Variants in KIF6 observed in about 807,000 individuals in gnomAD.
KIF6 encodes the protein kinesin-like protein KIF6.
KIF6 carries 106 observed loss-of-function variants against 112.7 expected under a neutral mutation model. The observed-to-expected ratio is 0.94, with a 90% CI of 0.80 to 1.11. The LOEUF (loss-of-function observed/expected upper bound fraction) is 1.11. Among genes scored for constraint, KIF6 ranks in the 50% least tolerant of loss-of-function variants. KIF6 has a pLI of 0.00. For missense variants in KIF6, 929 were observed against 964.0 expected (o/e 0.96, Z 0.48); for synonymous variants, 339 against 339.9 (o/e 1.00, Z 0.03).
chr6:39,654,636 C>T (rs945209639), intron 3 of KIF6, among the ~76,000 whole-genome samples: 11 of 152,100 alleles, frequency 7.2e-5, no homozygotes, highest in African/African-American at 2.7e-4. Context: ...TTAAAGTCTC[C>T]TTTGAATATA....
intron 13 of KIF6, among the ~76,000 whole-genome samples, chr6:39,432,114 T>A (rs919531586): frequency 6.6e-6 from 1 of 152,222 alleles, no homozygotes; most frequent in South Asian, 2.1e-4. Context: ...ACCTATAATA[T>A]GCACAGCCCA....
rs1581888220 is a variant in KIF6, at chr6:39,452,338, A to G, written c.1646-21177T>C. Among the ~76,000 whole-genome samples the G allele has an allele frequency of 3.9e-5, 6 of 152,354 alleles. No homozygotes were observed. The South Asian group carries it at 1.2e-3, about 32-fold the overall frequency. On this transcript the variant is annotated intron_variant, in intron 13 of 22. Coordinates refer to ENST00000287152, the MANE Select transcript of KIF6 (RefSeq NM_145027.6). ...TGTGGTGAAAAATGTTCACTGGCGG[A>G]TGCTCCAGGACCTAGTTAACTTTAG...
intron 3 of KIF6, among the ~76,000 whole-genome samples, chr6:39,703,210 C>CA (rs74439728): frequency 0.064 from 9,727 of 151,884 alleles, 667 homozygotes; most frequent in East Asian, 0.39. Context: ...GAACAAAGCC[C>CA]ACTGATTCAG....
At chr6:39,681,021 C>A (rs1195599120) in intron 3 of KIF6, among the ~76,000 whole-genome samples, 1 of 152,028 alleles carries the variant, frequency 6.6e-6, no homozygotes, top group Non-Finnish European at 1.5e-5. Context: ...ATGTGTCTGT[C>A]TGAGAAAGCC....
chr6:39,720,606 G>A, intron 2 of KIF6, 96 bp downstream of exon 2: 1 of 698,160 alleles, frequency 1.4e-6, no homozygotes, highest in East Asian at 2.6e-5. Flanking sequence ...TTTTCCACAA[G>A]AAATGGTGCT....
chr6:39,563,718 C>T (rs1780136862), intron 10 of KIF6, among the ~76,000 whole-genome samples: 1 of 152,100 alleles, frequency 6.6e-6, no homozygotes, highest in African/African-American at 2.4e-5. Context: ...CAGGGCTGCC[C>T]AGCAAGTGGT....
chr6:39,393,655 G>A (rs1366302558), intron 15 of KIF6, among the ~76,000 whole-genome samples: 1 of 152,092 alleles, frequency 6.6e-6, no homozygotes, highest in Non-Finnish European at 1.5e-5. Context: ...AACATTTTAG[G>A]CAATAATAAC....
At chr6:39,642,401 A>G (rs548883196) in intron 3 of KIF6, among the ~76,000 whole-genome samples, 1 of 152,250 alleles carries the variant, frequency 6.6e-6, no homozygotes, top group South Asian at 2.1e-4. Flanking sequence ...CAAAAACAAC[A>G]GCCTTGAAAC....
chr6:39,619,585 G>A (rs545234136), intron 5 of KIF6, among the ~76,000 whole-genome samples: 4 of 152,280 alleles, frequency 2.6e-5, no homozygotes, highest in African/African-American at 4.8e-5. Context: ...TACTGTGCTC[G>A]TATGCTTCAA....
intron 3 of KIF6, among the ~76,000 whole-genome samples, chr6:39,671,582 C>G (rs1402929903): frequency 1.3e-5 from 2 of 152,162 alleles, no homozygotes; most frequent in African/African-American, 4.8e-5. Flanking sequence ...AGCTCATTCT[C>G]CAGGCACTCC....
At chr6:39,362,404 C>G (rs45460596) in intron 17 of KIF6, 30 bp downstream of exon 17, 2 of 1,566,338 alleles carry the variant, frequency 1.3e-6, no homozygotes, top group South Asian at 1.1e-5. Context: ...AGGCTGGGCT[C>G]GGACTGTGTG....
intron 3 of KIF6, among the ~76,000 whole-genome samples, chr6:39,675,783 A>C (rs952867692): frequency 1.3e-5 from 2 of 152,088 alleles, no homozygotes; most frequent in African/African-American, 4.8e-5. Flanking sequence ...GATAGGAAAA[A>C]AAAATGACCA....
At position 39,433,554 on chromosome 6, in the gene KIF6, G is replaced by T. The variant is rs141107796; in HGVS notation, c.1646-2393C>A. Among the ~76,000 whole-genome samples, 26 of 152,294 alleles carry T rather than the reference G, an allele frequency of 1.7e-4. 1 individual carries two copies. In the East Asian group the frequency reaches 5.0e-3, roughly 29 times the overall value. On this transcript the variant is annotated intron_variant, in intron 13 of 22. Coordinates refer to ENST00000287152, the MANE Select transcript of KIF6 (RefSeq NM_145027.6). ...GGCTTATCATCAGGAACATAACCTTGGTTTTCCTTCTGTCACGGACAAAGT... is the reference window on the plus strand; with the variant it reads ...GGCTTATCATCAGGAACATAACCTTTGTTTTCCTTCTGTCACGGACAAAGT...
rs1387975725 is a variant in KIF6 at position 39,665,716 on chromosome 6, T to G, written c.252-25959A>C. Among the ~76,000 whole-genome samples, 4 of 149,620 alleles carry G rather than the reference T, an allele frequency of 2.7e-5. No individual in the cohort carries two copies. In the East Asian group the frequency reaches 7.8e-4, roughly 29 times the overall value. On this transcript the variant is annotated intron_variant, in intron 3 of 22. Coordinates refer to ENST00000287152, the MANE Select transcript of KIF6 (RefSeq NM_145027.6). ...AGTCTTACATCGCAGTGAAGAGCTG[T>G]TTTTTTTTTCTTTTAGGACATAACT...
Position 39,639,843 on chromosome 6 carries a change from T to TTA in KIF6, c.252-88_252-87dup, listed in dbSNP as rs1489783117. The TTA allele has an allele frequency of 3.1e-5, 35 of 1,136,438 alleles. No homozygotes were observed. In the East Asian group the frequency reaches 9.0e-4, roughly 29 times the overall value. 70.4% of individuals were successfully genotyped at this position (1,136,438 alleles called of 1,614,324 possible). Reference sequence around the variant, plus strand: ...GGCTTGTATTCTAATAACAATCTTATTAAACACTATTAAAAAAACTTTATA... The same window carrying TTA: ...GGCTTGTATTCTAATAACAATCTTATTATAAACACTATTAAAAAAACTTTATA... On this transcript the variant is annotated intron_variant, in intron 3 of 22. Coordinates refer to ENST00000287152, the MANE Select transcript of KIF6 (RefSeq NM_145027.6).
At chr6:39,677,903 G>A (rs935569127) in intron 3 of KIF6, among the ~76,000 whole-genome samples, 1 of 141,172 alleles carries the variant, frequency 7.1e-6, no homozygotes, top group Admixed American at 7.3e-5. Context: ...TGGTGTATAT[G>A]TGCCACATTT....
intron 3 of KIF6, among the ~76,000 whole-genome samples, chr6:39,659,575 T>C (rs1786007129): frequency 1.3e-5 from 2 of 152,158 alleles, no homozygotes; most frequent in Admixed American, 1.3e-4. Flanking sequence ...AAATGAATCA[T>C]GGGGGCGGTT....
chr6:39,618,456 G>T (rs1444775793), intron 5 of KIF6, among the ~76,000 whole-genome samples: 3 of 152,150 alleles, frequency 2.0e-5, no homozygotes, highest in Admixed American at 6.6e-5. Context: ...TGATAGGAAA[G>T]AAGGTTGGAC....
chr6:39,583,990 T>C (rs1239237854), intron 9 of KIF6, among the ~76,000 whole-genome samples: 1 of 152,122 alleles, frequency 6.6e-6, no homozygotes, highest in African/African-American at 2.4e-5. Context: ...TTTACTGTTA[T>C]AAAACTAGAA....
Sources: allele counts gnomAD v4.1 joint callset (sites outside exome capture counted in the v4.1 genomes callset), GRCh38; gene constraint gnomAD v4.1.1; transcripts MANE v1.5; gene names NCBI Gene and HGNC (gene_info 2026-07-23, HGNC 2026-07-21).